Variants in CCDC91 observed in about 807,000 individuals in gnomAD.
The protein encoded by CCDC91 is coiled-coil domain-containing protein 91.
In CCDC91, 48 loss-of-function variants were observed where a neutral mutation model predicts 63.2. The observed-to-expected ratio is 0.76, with a 90% confidence interval of 0.60 to 0.97. The LOEUF (loss-of-function observed/expected upper bound fraction) is 0.97. Among genes scored for constraint, CCDC91 ranks in the 50% least tolerant of loss-of-function variants. The pLI, the probability that CCDC91 is intolerant of heterozygous loss-of-function variation, is 0.00. For synonymous variants in CCDC91, 167 were observed against 165.8 expected, an observed-to-expected ratio of 1.01 and a Z score of -0.06; for missense variants, 500 against 494.6, an observed-to-expected ratio of 1.01 and a Z score of -0.10.
In CCDC91 at chr12:28,243,055, C is replaced by T. The variant is rs544366560; in HGVS notation, c.-14-14147C>T. 3.7e-4 allele frequency among the ~76,000 whole-genome samples: 57 copies of T among 152,210 alleles called. 2 individuals are homozygous for T. In the South Asian group the frequency reaches 7.3e-3, roughly 19 times the overall value. ...TGCAGAACCGTGGGCCAATTAAACC[C>T]CATTTCTTTATAAATTACTCAGGCT... On this transcript the variant is annotated intron_variant, in intron 1 of 12. Transcript: ENST00000536442.
rs538885808 is a variant in CCDC91 at position 28,362,594 on chromosome 12, C to T, written c.654+79C>T. 240 of 788,970 alleles carry T rather than the reference C, an allele frequency of 3.0e-4. 1 individual carries two copies. The Middle Eastern group carries it at 5.0e-3, about 16-fold the overall frequency. The allele number at this position is 788,970 out of a possible 1,614,324, so 48.9% of individuals were successfully genotyped here. Reference sequence around the variant, plus strand: ...ATGTACACATGTAGGTATGTGCAAACATATACAAATTATATGTGTAGTCTT... The same window carrying T: ...ATGTACACATGTAGGTATGTGCAAATATATACAAATTATATGTGTAGTCTT... On this transcript the variant is annotated intron_variant, in intron 7 of 12. Transcript: ENST00000536442.
intron 1 of CCDC91, among the ~76,000 whole-genome samples, chr12:28,208,735 T>A (rs566761534): frequency 6.6e-6 from 1 of 152,302 alleles, no homozygotes; most frequent in South Asian, 2.1e-4. Flanking sequence ...ACTTAACTTT[T>A]GTCTCTTGTC....
chr12:28,349,850 A>G (rs1314377895), intron 6 of CCDC91, among the ~76,000 whole-genome samples: 1 of 152,134 alleles, frequency 6.6e-6, no homozygotes, highest in Non-Finnish European at 1.5e-5. Context: ...TTACAACTGT[A>G]TAGGGTCAAG....
intron 1 of CCDC91, among the ~76,000 whole-genome samples, chr12:28,199,936 A>G (rs569034781): frequency 7.1e-6 from 1 of 141,754 alleles, no homozygotes; most frequent in Non-Finnish European, 1.6e-5. Context: ...ATTTTATCCT[A>G]CTTTGAGTTT....
chr12:28,545,976 A>G (rs1159184340), intron 12 of CCDC91, among the ~76,000 whole-genome samples: 1 of 152,086 alleles, frequency 6.6e-6, no homozygotes, highest in Non-Finnish European at 1.5e-5. Flanking sequence ...TTTGTTTTTA[A>G]TGTATCTCCT....
At chr12:28,243,109 C>T (rs182496877) in intron 1 of CCDC91, among the ~76,000 whole-genome samples, 5 of 152,248 alleles carry the variant, frequency 3.3e-5, no homozygotes, top group Middle Eastern at 3.4e-3. Context: ...AATGTGAGAA[C>T]GGACTAATAC....
intron 3 of CCDC91, among the ~76,000 whole-genome samples, chr12:28,259,943 G>A (rs1295866449): frequency 3.3e-5 from 5 of 151,924 alleles, no homozygotes; most frequent in Non-Finnish European, 7.4e-5. Flanking sequence ...ATTAATTTAT[G>A]TCAAAAGAAT....
chr12:28,496,496 T>C (rs1952289553), intron 12 of CCDC91, among the ~76,000 whole-genome samples: 1 of 151,578 alleles, frequency 6.6e-6, no homozygotes, highest in Non-Finnish European at 1.5e-5. Flanking sequence ...TTTTTAAACA[T>C]AGGGAGGATA....
intron 6 of CCDC91, among the ~76,000 whole-genome samples, chr12:28,351,608 C>T (rs769167355): frequency 4.6e-5 from 7 of 151,914 alleles, no homozygotes; most frequent in Non-Finnish European, 8.8e-5. Flanking sequence ...GCCTCTGCAC[C>T]GGTGGCTCAA....
chr12:28,369,074 C>T (rs1360009051), intron 7 of CCDC91, among the ~76,000 whole-genome samples: 1 of 152,178 alleles, frequency 6.6e-6, no homozygotes, highest in Admixed American at 6.5e-5. Context: ...GTCCTTCTCA[C>T]ATTTCAAAAT....
intron 1 of CCDC91, among the ~76,000 whole-genome samples, chr12:28,192,554 G>T (rs1384546431): frequency 6.6e-6 from 1 of 151,980 alleles, no homozygotes; most frequent in Admixed American, 6.6e-5. Context: ...ATTGAAAAAG[G>T]CATCTCTCTT....
intron 6 of CCDC91, among the ~76,000 whole-genome samples, chr12:28,352,224 A>G (rs576514807): frequency 9.2e-5 from 14 of 152,290 alleles, no homozygotes; most frequent in Admixed American, 6.5e-4. Context: ...TTTTGCCTCA[A>G]TGTTGATAGC....
At chr12:28,542,520 A>G (rs1270056934) in intron 12 of CCDC91, among the ~76,000 whole-genome samples, 1 of 152,078 alleles carries the variant, frequency 6.6e-6, no homozygotes, top group African/African-American at 2.4e-5. Context: ...GTCTTCATGG[A>G]ATGCGAATGA....
chr12:28,363,834 G>A (rs1437499313), intron 7 of CCDC91, among the ~76,000 whole-genome samples: 10 of 134,978 alleles, frequency 7.4e-5, no homozygotes, highest in Admixed American at 1.7e-4. Context: ...CCGAGATTGC[G>A]CCACTGCACT....
At chr12:28,534,360 T>C (rs937638414) in intron 12 of CCDC91, among the ~76,000 whole-genome samples, 3 of 152,208 alleles carry the variant, frequency 2.0e-5, no homozygotes, top group African/African-American at 7.2e-5. Flanking sequence ...TGAATAGTTA[T>C]ATACCAATGG....
At chr12:28,522,700 T>A (rs1443814168) in intron 12 of CCDC91, among the ~76,000 whole-genome samples, 1 of 152,220 alleles carries the variant, frequency 6.6e-6, no homozygotes, top group Non-Finnish European at 1.5e-5. Flanking sequence ...TCCTTTCTCT[T>A]GTGGGCATTT....
At chr12:28,348,470 A>T (rs1942964847) in intron 6 of CCDC91, among the ~76,000 whole-genome samples, 1 of 152,198 alleles carries the variant, frequency 6.6e-6, no homozygotes, top group Non-Finnish European at 1.5e-5. Flanking sequence ...TGTTGATTTC[A>T]GTCACCTTCC....
chr12:28,277,294 CAATT>C (rs1465345015), intron 3 of CCDC91, among the ~76,000 whole-genome samples: 1 of 151,928 alleles, frequency 6.6e-6, no homozygotes, highest in Non-Finnish European at 1.5e-5. Context: ...GGTATTACCT[CAATT>C]AAATTACAGT....
intron 3 of CCDC91, among the ~76,000 whole-genome samples, chr12:28,278,815 T>TC (rs1321892710): frequency 6.6e-6 from 1 of 152,108 alleles, no homozygotes; most frequent in Non-Finnish European, 1.5e-5. Context: ...AACAGCTATG[T>TC]AACCTTGGTC....
Sources: gnomAD v4.1 joint callset for allele counts (sites outside exome capture counted in the v4.1 genomes callset) on GRCh38, gnomAD v4.1.1 for gene constraint, MANE v1.5 for transcripts, NCBI Gene and HGNC (gene_info 2026-07-23, HGNC 2026-07-21) for gene names.